The following HEPH variants were observed in gnomAD, a reference collection of about 807,000 sequenced individuals.
The protein encoded by HEPH is hephaestin.
Under a neutral mutation model 80.8 loss-of-function variants are expected in HEPH, and 69 were observed. The observed-to-expected ratio is 0.85, with a 90% CI of 0.70 to 1.04. The LOEUF is 1.04. Ranked by LOEUF, HEPH falls within the 50% of genes least tolerant of loss-of-function variation. The pLI is 0.00. For synonymous variants in HEPH, 431 were observed against 322.8 expected, an observed-to-expected ratio of 1.34 and a Z score of -3.60; for missense variants, 1,115 against 891.3, an observed-to-expected ratio of 1.25 and a Z score of -3.20.
rs766253143 is a variant in HEPH at position 66,166,475 on chromosome X, G to A, written c.-14+2005G>A. On this transcript the variant is annotated intron_variant, in intron 1 of 20. Transcript: ENST00000343002. ...CTCCCAAAGTGCTGGCATTACAGGC[G>A]TGAGCCACTGTGCCTGGCCTAACAT... is the stretch of plus-strand genomic sequence containing the variant. Among the ~76,000 whole-genome samples, 523 of 112,234 alleles carry A rather than the reference G, an allele frequency of 4.7e-3. 3 individuals carry two copies. The highest frequency in any genetic ancestry group is 7.5e-3 in the Non-Finnish European group (402 of 53,264).
chrX:66,228,037 A>G (rs1049093709), intron 15 of HEPH, among the ~76,000 whole-genome samples: 4 of 111,614 alleles, frequency 3.6e-5, no homozygotes, highest in African/African-American at 1.3e-4. Flanking sequence ...ATAAATACAT[A>G]CCTGAGACTG....
chrX:66,259,194 C>CA (rs2091277755), intron 18 of HEPH, among the ~76,000 whole-genome samples: 1 of 111,515 alleles, frequency 9.0e-6, no homozygotes, highest in South Asian at 3.8e-4. Flanking sequence ...ATGTGGAAGA[C>CA]AAAAAAGGCC....
chrX:66,194,527 TGTG>T (rs1473607251), intron 8 of HEPH, among the ~76,000 whole-genome samples: 2 of 112,092 alleles, frequency 1.8e-5, no homozygotes, highest in East Asian at 5.6e-4. Flanking sequence ...CTAGATTACA[TGTG>T]GTGGGTAATG....
At chrX:66,255,183 T>C (rs2091135380) in intron 16 of HEPH, 42 bp downstream of exon 16, 3 of 929,313 alleles carry the variant, frequency 3.2e-6, no homozygotes, top group Non-Finnish European at 4.6e-6. Flanking sequence ...TCAAACTCCC[T>C]GGCAAAAAGA....
chrX:66,253,190 G>C (rs910388967), intron 15 of HEPH, among the ~76,000 whole-genome samples: 9 of 112,160 alleles, frequency 8.0e-5, no homozygotes, highest in Non-Finnish European at 1.3e-4. Flanking sequence ...TCATATATCT[G>C]ATAAGGGACT....
intron 17 of HEPH, among the ~76,000 whole-genome samples, chrX:66,258,422 C>T (rs2091250835): frequency 9.0e-6 from 1 of 111,349 alleles, no homozygotes; most frequent in Non-Finnish European, 1.9e-5. Context: ...CACAAGGACA[C>T]AAAGAACATG....
rs1299689189 is a variant in HEPH, at chrX:66,256,468, TAGA to T, written c.2896+144_2896+146del. 4 of 458,331 alleles carry T rather than the reference TAGA, an allele frequency of 8.7e-6. No homozygotes were observed. In the East Asian group the frequency reaches 1.1e-4, roughly 13 times the overall value. 37.8% of individuals were successfully genotyped at this position (458,331 alleles called of 1,213,427 possible). A position where few individuals can be genotyped will look rare whatever the true frequency, so the allele number is the denominator to read the frequency against. On this transcript the variant is annotated intron_variant, in intron 17 of 20. Transcript: ENST00000343002. ...ATGGGAAGGTGAAATGGGGATGAGT[TAGA>T]AGAAGCATTTCCTATTATTGTACAT...
In HEPH at chrX:66,193,528, G is replaced by A. The variant is rs1159481329; in HGVS notation, c.1259G>A (p.Ser420Asn). The change falls in exon 8 of 21, where the codon AGC becomes AAC. Residue 420 changes from serine (S) to asparagine (N), a missense_variant. By Grantham distance (46) the Ser-to-Asn change is conservative (BLOSUM62 1). This residue lies in a region of HEPH where 391 missense variants were observed against 343.6 expected (regional missense o/e 1.14). Coordinates refer to ENST00000343002, the MANE Select transcript of HEPH (RefSeq NM_001367233.3). ...ATCTCAGATAAGTTTTTCCAGAAGA[G>A]CTCCAGCCGAATTGGGGGCACTTAC... ...GSISDKFFQK[S>N]SSRIGGTYWK... 2.5e-6 allele frequency: 3 copies of A among 1,188,064 alleles called. No homozygotes were observed. The highest frequency in any genetic ancestry group is 3.4e-6 in the Non-Finnish European group (3 of 880,392).
intron 8 of HEPH, 63 bp from the exon 9 acceptor site, chrX:66,195,035 C>T (rs2088007575): frequency 8.6e-6 from 8 of 934,309 alleles, no homozygotes; most frequent in Non-Finnish European, 1.1e-5. Flanking sequence ...CCTCTTCTTC[C>T]ATTTCCTTCC....
chrX:66,233,623 A>G (rs1163722969), intron 15 of HEPH, among the ~76,000 whole-genome samples: 10 of 110,899 alleles, frequency 9.0e-5, no homozygotes, highest in Non-Finnish European at 1.9e-4. Context: ...AAAAAATTTA[A>G]GTAACTCAGT....
chrX:66,171,126 G>A (rs1455729605), intron 2 of HEPH: 4 of 321,000 alleles, frequency 1.2e-5, no homozygotes, highest in Non-Finnish European at 2.4e-5. Context: ...ATTTATTTCA[G>A]ATATGTGAAA....
At chrX:66,263,044 A>T (rs1376499249) in intron 19 of HEPH, among the ~76,000 whole-genome samples, 2 of 111,235 alleles carry the variant, frequency 1.8e-5, no homozygotes, top group Non-Finnish European at 3.8e-5. Context: ...AGGGAGAGGA[A>T]GACTGAGCCA....
chrX:66,261,916 A>G (rs1215286398), intron 19 of HEPH, among the ~76,000 whole-genome samples: 4 of 112,428 alleles, frequency 3.6e-5, no homozygotes, highest in Non-Finnish European at 5.6e-5. Flanking sequence ...TTGATACATC[A>G]TCAGGTTGAT....
At chrX:66,169,801 C>T (rs1398607088) in intron 1 of HEPH, 1 of 111,951 alleles carries the variant, frequency 8.9e-6, no homozygotes, top group African/African-American at 3.2e-5. Context: ...CCTTCCCAGT[C>T]ACAGAATCCT....
intron 15 of HEPH, among the ~76,000 whole-genome samples, chrX:66,223,073 C>G (rs1346901747): frequency 1.8e-5 from 2 of 110,592 alleles, no homozygotes; most frequent in East Asian, 5.7e-4. Context: ...AGGTTAGCAG[C>G]ACAAGGTAGG....
upstream of HEPH, among the ~76,000 whole-genome samples, chrX:66,163,474 G>C (rs1300260792): frequency 9.0e-6 from 1 of 110,961 alleles, no homozygotes; most frequent in Non-Finnish European, 1.9e-5. Flanking sequence ...TCCTCAGGTG[G>C]AAAATGTTAA....
chrX:66,259,767 G>A (rs2091298252), intron 18 of HEPH, among the ~76,000 whole-genome samples: 1 of 107,481 alleles, frequency 9.3e-6, no homozygotes, highest in Non-Finnish European at 1.9e-5. Flanking sequence ...GGAGTGCAGT[G>A]GTGTGATCTC....
intron 15 of HEPH, among the ~76,000 whole-genome samples, chrX:66,241,072 T>G (rs1439882993): frequency 8.9e-6 from 1 of 111,782 alleles, no homozygotes; most frequent in Non-Finnish European, 1.9e-5. Flanking sequence ...GGGAATTCAT[T>G]ACCACCACAC....
At chrX:66,257,747 C>T (rs2091228920) in intron 17 of HEPH, among the ~76,000 whole-genome samples, 1 of 111,895 alleles carries the variant, frequency 8.9e-6, no homozygotes, top group Admixed American at 9.5e-5. Context: ...GTTTAGTTTC[C>T]TCTCTGAAAT....
Sources: gnomAD v4.1 joint callset for allele counts (sites outside exome capture counted in the v4.1 genomes callset) on GRCh38, gnomAD v4.1.1 for gene constraint, gnomAD v4.1.1 regional missense constraint, MANE v1.5 for transcripts, NCBI Gene and HGNC (gene_info 2026-07-23, HGNC 2026-07-21) for gene names.